Variants in PUM1 observed in about 807,000 individuals in gnomAD.
PUM1 encodes pumilio homolog 1.
A neutral mutation model predicts 131.8 loss-of-function variants in PUM1; 13 were observed. The observed-to-expected ratio is 0.10, with a 90% CI of 0.06 to 0.16. The LOEUF is 0.16. Among genes scored for constraint, PUM1 ranks in the 10% least tolerant of loss-of-function variants. The probability of loss-of-function intolerance (pLI) is 1.00; values close to 1 mark genes in which losing one functional copy is unlikely to be tolerated. For missense variants in PUM1, 961 were observed against 1,512.4 expected (o/e 0.64, Z 6.05); for synonymous variants, 509 against 556.5 (o/e 0.91, Z 1.20).
rs764332933 is a variant in PUM1, at chr1:30,941,203, C to T, written c.3190G>A (p.Val1064Ile). The part of the protein sequence containing the change: ...HGRPEDKSKI[V>I]AEIRGNVLVL... The stretch of plus-strand genomic sequence containing the variant: ...AGTACATTGCCTCGGATTTCTGCTA[C>T]AATTTTGCTTTTATCCTCAGGACGA... The change falls in exon 20 of 22, where the codon GTA (valine) becomes ATA (isoleucine). Residue 1064 changes from valine to isoleucine, a missense_variant. Physicochemically the swap from Val to Ile is conservative, Grantham distance 29. Coordinates refer to ENST00000426105, the MANE Select transcript of PUM1 (RefSeq NM_001020658.2). 3.1e-6 allele frequency: 5 copies of T among 1,613,714 alleles called. No homozygotes were observed. The highest frequency in any genetic ancestry group is 4.2e-6 in the Non-Finnish European group (5 of 1,179,724).
chr1:31,001,859 C>A (rs1010084934), intron 5 of PUM1, among the ~76,000 whole-genome samples: 2 of 152,174 alleles, frequency 1.3e-5, no homozygotes, highest in African/African-American at 2.4e-5. Flanking sequence ...TCTGAGATAA[C>A]GCGTATGATA....
intron 1 of PUM1, among the ~76,000 whole-genome samples, chr1:31,062,441 G>A (rs990266166): frequency 6.6e-6 from 1 of 152,008 alleles, no homozygotes; most frequent in Non-Finnish European, 1.5e-5. Flanking sequence ...CCAATATACT[G>A]AAACCCCGTC....
Position 30,964,769 on chromosome 1 carries a change from G to T in PUM1, c.2228C>A (p.Pro743His). The change falls in exon 14 of 22, where the codon CCC (proline) becomes CAC (histidine). Residue 743 changes from proline (P) to histidine (H), a missense_variant. Around this residue, in one of 4 missense-constraint regions of PUM1, gnomAD observed 117 missense variants for 200.7 expected, o/e 0.58. Coordinates refer to ENST00000426105, the MANE Select transcript of PUM1 (RefSeq NM_001020658.2). Reference protein sequence around the residue: ...NGLSFSSSPGPVGMPLPSQGP... With the variant: ...NGLSFSSSPGHVGMPLPSQGP... ...CTGACTAGGGAGAGGCATGCCCACG[G>T]GTCCAGGAGAGGAGGAAAAGCTAAG... The T allele has an allele frequency of 1.2e-6, 2 of 1,614,058 alleles. No individual in the cohort carries two copies. Among genetic ancestry groups the T allele is most frequent in the South Asian group, 2.2e-5 (2 of 91,070 alleles).
intron 2 of PUM1, among the ~76,000 whole-genome samples, chr1:31,037,470 A>G (rs1370714179): frequency 6.6e-6 from 1 of 152,208 alleles, no homozygotes; most frequent in South Asian, 2.1e-4. Context: ...CATGCCTCCC[A>G]GCACTTGGGA....
At chr1:31,061,632 A>G (rs1488414719) in intron 1 of PUM1, 2 of 151,440 alleles carry the variant, frequency 1.3e-5, no homozygotes, top group African/African-American at 2.4e-5. Flanking sequence ...ATTTTTTTAA[A>G]TTATAAAAAA....
chr1:30,979,368 GA>G (rs1045551592), intron 9 of PUM1, among the ~76,000 whole-genome samples: 9 of 152,290 alleles, frequency 5.9e-5, no homozygotes, highest in Non-Finnish European at 1.2e-4. Context: ...AGTCAACTAG[GA>G]AGGGAATTGG....
chr1:30,946,827 T>C (rs1557547836), intron 17 of PUM1, among the ~76,000 whole-genome samples: 1 of 152,046 alleles, frequency 6.6e-6, no homozygotes, highest in Non-Finnish European at 1.5e-5. Flanking sequence ...GAGGATCACC[T>C]GAGCCCAGGA....
rs1197744656 is a variant in PUM1, at chr1:31,038,980, ATATATTT to A, written c.364-10123_364-10117del. Among the ~76,000 whole-genome samples the A allele has an allele frequency of 3.0e-4, 9 of 29,606 alleles. 1 individual carries two copies. The highest frequency in any genetic ancestry group is 7.2e-4 in the Admixed American group (2 of 2,784). The allele number at this position is 29,606 out of a possible 152,430, so 19.4% of individuals were successfully genotyped here. On this transcript the variant is annotated intron_variant, in intron 2 of 21. Transcript: ENST00000426105. ...ATTTTATATATATATATATATATAT[ATATATTT>A]TTTTTTTTTTTTTCCTTTTCTCTTT...
intron 3 of PUM1, among the ~76,000 whole-genome samples, chr1:31,014,171 C>T (rs1008141498): frequency 2.0e-5 from 3 of 151,900 alleles, no homozygotes; most frequent in African/African-American, 7.3e-5. Flanking sequence ...GTAGCACATG[C>T]CTGTGGTCCT....
At chr1:31,011,797 G>A (rs1243136986) in intron 3 of PUM1, among the ~76,000 whole-genome samples, 1 of 152,082 alleles carries the variant, frequency 6.6e-6, no homozygotes, top group Non-Finnish European at 1.5e-5. Context: ...TAGTTTTTTT[G>A]ACAAGGCGAA....
At chr1:30,946,057 T>C (rs1455797521) in intron 17 of PUM1, among the ~76,000 whole-genome samples, 1 of 151,744 alleles carries the variant, frequency 6.6e-6, no homozygotes, top group African/African-American at 2.4e-5. Context: ...AGTGCTGGAA[T>C]TACAGGCATG....
intron 2 of PUM1, among the ~76,000 whole-genome samples, chr1:31,034,543 T>C (rs930013570): frequency 1.3e-5 from 2 of 152,076 alleles, no homozygotes; most frequent in Non-Finnish European, 2.9e-5. Flanking sequence ...GCAGTCAACA[T>C]AGAGAAAAGA....
intron 15 of PUM1, among the ~76,000 whole-genome samples, chr1:30,952,688 G>T (rs868842375): frequency 1.0e-5 from 1 of 96,052 alleles, no homozygotes; most frequent in African/African-American, 3.5e-5. Context: ...GGGGGCGGGG[G>T]GGGGGCGGGA....
intron 6 of PUM1, among the ~76,000 whole-genome samples, chr1:30,994,169 T>C (rs1254713751): frequency 6.6e-6 from 1 of 152,204 alleles, no homozygotes; most frequent in African/African-American, 2.4e-5. Context: ...ACAAAACAAC[T>C]GACACTTGTC....
At chr1:30,992,019 G>A (rs1641812602) in intron 7 of PUM1, among the ~76,000 whole-genome samples, 1 of 152,156 alleles carries the variant, frequency 6.6e-6, no homozygotes, top group Non-Finnish European at 1.5e-5. Context: ...GTGGATAGTA[G>A]AGTTTACTAT....
intron 9 of PUM1, among the ~76,000 whole-genome samples, chr1:30,978,734 G>GT (rs1641239297): frequency 6.6e-6 from 1 of 152,176 alleles, no homozygotes; most frequent in Non-Finnish European, 1.5e-5. Flanking sequence ...CACGGTGACG[G>GT]TAACTGTGCA....
At chr1:30,950,515 T>C (rs1385373874) in intron 16 of PUM1, among the ~76,000 whole-genome samples, 1 of 152,246 alleles carries the variant, frequency 6.6e-6, no homozygotes, top group African/African-American at 2.4e-5. Context: ...TCACTATTAA[T>C]ATCTGCTAAG....
intron 2 of PUM1, among the ~76,000 whole-genome samples, chr1:31,055,135 C>T (rs1644208385): frequency 6.6e-6 from 1 of 152,156 alleles, no homozygotes; most frequent in Admixed American, 6.6e-5. Context: ...AGATCAGGCA[C>T]CCTCTTACAC....
intron 4 of PUM1, 120 bp downstream of exon 4, chr1:31,006,874 G>C: frequency 4.2e-6 from 3 of 709,336 alleles, no homozygotes. Context: ...TTATACTACA[G>C]GAGAGGACAC....
Sources: gnomAD v4.1 joint callset for allele counts (sites outside exome capture counted in the v4.1 genomes callset) on GRCh38, gnomAD v4.1.1 for gene constraint, gnomAD v4.1.1 regional missense constraint, MANE v1.5 for transcripts, NCBI Gene and HGNC (gene_info 2026-07-23, HGNC 2026-07-21) for gene names.